The following DNAJC6 variants were observed in gnomAD, a reference collection of about 807,000 sequenced individuals.
DNAJC6 encodes the protein auxilin.
In DNAJC6, 34 loss-of-function variants were observed where a neutral mutation model predicts 110.0. That is an observed-to-expected ratio of 0.31 (90% CI 0.24 to 0.41). The LOEUF is 0.41. DNAJC6 is among the 10% of genes least tolerant of loss of function. The pLI is 1.00. For synonymous variants in DNAJC6, 406 were observed against 437.2 expected (o/e 0.93, Z 0.89); for missense variants, 1,031 against 1,207.8 (o/e 0.85, Z 2.17).
At chr1:65,311,218 T>G (rs1424153862) in intron 1 of DNAJC6, among the ~76,000 whole-genome samples, 1 of 113,580 alleles carries the variant, frequency 8.8e-6, no homozygotes, top group Admixed American at 8.4e-5. Context: ...CAGGACTGTT[T>G]TTTTTTTTTT....
Position 65,298,762 on chromosome 1 carries a change from T to C in DNAJC6, c.-131+33830T>C, listed in dbSNP as rs577174100. Reference sequence around the variant, plus strand: ...TTTATGTTCCAAAATCACTTTGTACTCTGAGAGATATTAGCCTTCCTCATC... The same window carrying C: ...TTTATGTTCCAAAATCACTTTGTACCCTGAGAGATATTAGCCTTCCTCATC... On this transcript the variant is annotated intron_variant, in intron 1 of 19. Coordinates refer to the DNAJC6 transcript ENST00000263441. 3.9e-5 allele frequency: 6 copies of C among 152,396 alleles called. No individual in the cohort carries two copies. The East Asian group carries it at 1.2e-3, about 29-fold the overall frequency. The allele number at this position is 152,396 out of a possible 1,614,324, so 9.4% of individuals were successfully genotyped here. A position where few individuals can be genotyped will look rare whatever the true frequency, so the allele number is the denominator to read the frequency against.
upstream of DNAJC6, chr1:65,309,540 C>A (rs947446037): frequency 6.5e-6 from 8 of 1,224,592 alleles, no homozygotes; most frequent in African/African-American, 1.3e-4. Context: ...CTCCCGGCGC[C>A]CCGAGCCGAG....
chr1:65,369,477 C>G (rs1645685358), intron 4 of DNAJC6, among the ~76,000 whole-genome samples: 1 of 152,102 alleles, frequency 6.6e-6, no homozygotes, highest in Non-Finnish European at 1.5e-5. Context: ...AGTGCTACGT[C>G]TGAAATTAAA....
chr1:65,321,456 CA>C (rs367797402), intron 1 of DNAJC6, among the ~76,000 whole-genome samples: 1 of 152,170 alleles, frequency 6.6e-6, no homozygotes, highest in East Asian at 1.9e-4. Flanking sequence ...TTTGGCCTCC[CA>C]ATATACAGGG....
chr1:65,358,934 C>A (rs1189264480), intron 1 of DNAJC6, among the ~76,000 whole-genome samples: 2 of 152,142 alleles, frequency 1.3e-5, no homozygotes, highest in Non-Finnish European at 2.9e-5. Context: ...GCCCAGGGTG[C>A]CATAGGCATG....
At chr1:65,308,868 T>C (rs1645068642), upstream of DNAJC6, among the ~76,000 whole-genome samples, 1 of 152,178 alleles carries the variant, frequency 6.6e-6, no homozygotes, top group South Asian at 2.1e-4. Context: ...TCACATCTGC[T>C]CTCTAGGCAG....
intron 1 of DNAJC6, among the ~76,000 whole-genome samples, chr1:65,288,252 A>G (rs1358762696): frequency 1.3e-5 from 2 of 152,242 alleles, no homozygotes; most frequent in African/African-American, 4.8e-5. Context: ...GTTAGGATTT[A>G]GCTTAATTCA....
intron 1 of DNAJC6, among the ~76,000 whole-genome samples, chr1:65,292,388 G>A (rs372111821): frequency 2.7e-5 from 4 of 149,240 alleles, no homozygotes; most frequent in East Asian, 2.0e-4. Flanking sequence ...TGGAAAACAC[G>A]TTTGTATTAA....
chr1:65,407,583 T>C (rs995390891), intron 16 of DNAJC6, among the ~76,000 whole-genome samples: 15 of 152,190 alleles, frequency 9.9e-5, no homozygotes, highest in African/African-American at 3.4e-4. Flanking sequence ...GTCGGGGATA[T>C]GTAACATCAT....
intron 13 of DNAJC6, among the ~76,000 whole-genome samples, chr1:65,396,988 G>C (rs1386504276): frequency 1.3e-5 from 2 of 152,116 alleles, no homozygotes; most frequent in East Asian, 3.8e-4. Context: ...GTGTCCCATG[G>C]ACGTGGGTGT....
intron 5 of DNAJC6, 88 bp from the exon 6 acceptor site, chr1:65,384,105 T>A: frequency 2.3e-6 from 3 of 1,329,596 alleles, no homozygotes; most frequent in Non-Finnish European, 2.9e-6. Context: ...CTCCTCTCTC[T>A]GTCTCTTAAT....
intron 1 of DNAJC6, among the ~76,000 whole-genome samples, chr1:65,283,416 T>G (rs985718164): frequency 9.9e-5 from 15 of 152,060 alleles, no homozygotes; most frequent in Non-Finnish European, 2.1e-4. Context: ...CAAGATTGCC[T>G]TTTTTTTACT....
intron 17 of DNAJC6, among the ~76,000 whole-genome samples, chr1:65,409,941 A>G (rs944621947): frequency 1.3e-5 from 2 of 151,814 alleles, no homozygotes; most frequent in Non-Finnish European, 2.9e-5. Flanking sequence ...TTCACAGCTG[A>G]AAAAAAACCA....
At chr1:65,265,017 T>C in intron 1 of DNAJC6, 2 of 1,313,228 alleles carry the variant, frequency 1.5e-6, no homozygotes, top group Non-Finnish European at 2.2e-6. Context: ...CACAGACATA[T>C]TTAGTTTGTA....
chr1:65,285,590 AT>A, intron 1 of DNAJC6, among the ~76,000 whole-genome samples: 1 of 152,094 alleles, frequency 6.6e-6, no homozygotes, highest in Non-Finnish European at 1.5e-5. Flanking sequence ...GTTCCCAACC[AT>A]TTTTCCCTTC....
chr1:65,322,643 A>G (rs1645207430), intron 1 of DNAJC6, among the ~76,000 whole-genome samples: 1 of 152,236 alleles, frequency 6.6e-6, no homozygotes. Context: ...TTACTAAGAG[A>G]AAGAACATAT....
chr1:65,365,665 G>A (rs1645638597), intron 2 of DNAJC6, among the ~76,000 whole-genome samples: 1 of 152,110 alleles, frequency 6.6e-6, no homozygotes, highest in Admixed American at 6.6e-5. Flanking sequence ...ATCTACAAGG[G>A]CATTAGAATG....
intron 1 of DNAJC6, among the ~76,000 whole-genome samples, chr1:65,289,710 G>A (rs576241776): frequency 2.0e-5 from 3 of 152,052 alleles, no homozygotes; most frequent in South Asian, 2.1e-4. Context: ...TAAGCTATCT[G>A]GTCTATGCTA....
At chr1:65,385,573 G>A in intron 6 of DNAJC6, 139 bp from the exon 7 acceptor site, 1 of 690,792 alleles carries the variant, frequency 1.4e-6, no homozygotes, top group Admixed American at 3.5e-5. Flanking sequence ...ATTATCTTTT[G>A]CTAGTTAATA....
Sources: gnomAD v4.1 joint callset for allele counts (sites outside exome capture counted in the v4.1 genomes callset) on GRCh38, gnomAD v4.1.1 for gene constraint, MANE v1.5 for transcripts, NCBI Gene and HGNC (gene_info 2026-07-23, HGNC 2026-07-21) for gene names.